The following MYOM1 variants were observed in gnomAD, a reference collection of about 807,000 sequenced individuals.
The protein encoded by MYOM1 is myomesin 1, also known as myomesin-1.
A neutral mutation model predicts 205.3 loss-of-function variants in MYOM1; 164 were observed. The observed-to-expected ratio is 0.80, with a 90% CI of 0.70 to 0.91. MYOM1 has a LOEUF of 0.91. Among genes scored for constraint, MYOM1 ranks in the 40% least tolerant of loss-of-function variants. The pLI is 0.00. For synonymous variants in MYOM1, 772 were observed against 789.4 expected, an observed-to-expected ratio of 0.98 and a Z score of 0.37; for missense variants, 2,011 against 2,127.3, an observed-to-expected ratio of 0.95 and a Z score of 1.08.
Position 3,131,370 on chromosome 18 carries a change from C to A in MYOM1, c.2506+5G>T, listed in dbSNP as rs779100116. ...CCCCCATACAGTTATGCATAAGGAACTTACCAATAGCAGCTTTGACTTCAA... is the reference window on the plus strand; with the variant it reads ...CCCCCATACAGTTATGCATAAGGAAATTACCAATAGCAGCTTTGACTTCAA... On this transcript the variant is annotated splice_donor_5th_base_variant and intron_variant, in intron 17 of 37. Transcript: ENST00000356443. 6.2e-7 allele frequency: 1 copy of A among 1,613,782 alleles called. No homozygotes were observed. Among genetic ancestry groups the A allele is most frequent in the Admixed American group, 1.7e-5 (1 of 60,010 alleles).
At chr18:3,070,597 C>T (rs570139831) in intron 37 of MYOM1, among the ~76,000 whole-genome samples, 2 of 152,296 alleles carry the variant, frequency 1.3e-5, no homozygotes, top group South Asian at 4.1e-4. Context: ...TCGGAAAATG[C>T]ACAGTACTTG....
intron 13 of MYOM1, among the ~76,000 whole-genome samples, chr18:3,147,434 C>T (rs1013686740): frequency 6.6e-6 from 1 of 151,894 alleles, no homozygotes; most frequent in African/African-American, 2.4e-5. Context: ...CAATGCTGTT[C>T]GGCTGAAATC....
In MYOM1 at chr18:3,189,744, T is replaced by A. The variant is rs2080879855; in HGVS notation, c.432-657A>T. Among the ~76,000 whole-genome samples, 1 of 152,232 alleles carries A rather than the reference T, an allele frequency of 6.6e-6. No homozygotes were observed. The highest frequency in any genetic ancestry group is 2.1e-4 in the South Asian group (1 of 4,828). ...ACTTGGCCAAGGTCGTCTCACTGGT[T>A]GTCTTAGTGTGTTTAAACATGATTT... On this transcript the variant is annotated intron_variant, in intron 3 of 37. Transcript: ENST00000356443. The surrounding 1 kb of genome is among the most constrained non-coding windows in gnomAD (Gnocchi z 4.8).
chr18:3,116,829 C>G (rs1037956645), intron 20 of MYOM1, among the ~76,000 whole-genome samples: 1 of 151,982 alleles, frequency 6.6e-6, no homozygotes, highest in Non-Finnish European at 1.5e-5. Context: ...TTTATTGGAA[C>G]AGTCTGATTT....
intron 14 of MYOM1, among the ~76,000 whole-genome samples, chr18:3,141,194 T>A (rs1177808751): frequency 6.6e-6 from 1 of 152,216 alleles, no homozygotes; most frequent in African/African-American, 2.4e-5. Flanking sequence ...GCCGAAATAA[T>A]GTTCTGTACA....
At chr18:3,244,774 C>T in the MYOM1 span, among the ~76,000 whole-genome samples, 15 of 151,990 alleles carry the variant, frequency 9.9e-5, no homozygotes, top group Admixed American at 9.8e-4. Context: ...TGGCACATGC[C>T]TGTAATCCCA....
chr18:3,159,611 C>T (rs532266477), intron 10 of MYOM1, among the ~76,000 whole-genome samples: 2 of 151,900 alleles, frequency 1.3e-5, no homozygotes, highest in South Asian at 2.1e-4. Context: ...AGCGGGTGAA[C>T]GTATAGGCAA....
At position 3,091,830 on chromosome 18, in the gene MYOM1, C is replaced by T. The variant is rs145260316; in HGVS notation, c.3865-1028G>A. 2.3e-3 allele frequency among the ~76,000 whole-genome samples: 343 copies of T among 151,192 alleles called. 1 individual carries two copies. The highest frequency in any genetic ancestry group is 7.2e-3 in the African/African-American group (295 of 41,188). Reference sequence around the variant, plus strand: ...AATTGCAACCTCGGCCTCCCAGGTTCAAGTGATTCTGCTGCCTCAGCCTCC... The same window carrying T: ...AATTGCAACCTCGGCCTCCCAGGTTTAAGTGATTCTGCTGCCTCAGCCTCC... On this transcript the variant is annotated intron_variant, in intron 26 of 37. Transcript: ENST00000356443.
chr18:3,089,303 A>C, intron 28 of MYOM1, 62 bp from the exon 29 acceptor site: 1 of 1,328,942 alleles, frequency 7.5e-7, no homozygotes, highest in Non-Finnish European at 1.1e-6. Flanking sequence ...ATCAAAGCTC[A>C]CACTTAAGTC....
intron 16 of MYOM1, among the ~76,000 whole-genome samples, chr18:3,132,558 C>T (rs868571867): frequency 7.9e-5 from 12 of 152,162 alleles, no homozygotes; most frequent in Middle Eastern, 3.4e-3. Flanking sequence ...TATTTCATCA[C>T]CCAGGTATTA....
intron 9 of MYOM1, among the ~76,000 whole-genome samples, chr18:3,165,388 T>C (rs1348450481): frequency 6.6e-6 from 1 of 152,218 alleles, no homozygotes; most frequent in Non-Finnish European, 1.5e-5. Context: ...AGGATGCCTG[T>C]TTATGTATTC....
At chr18:3,231,528 T>C in the MYOM1 span, among the ~76,000 whole-genome samples, 3 of 149,312 alleles carry the variant, frequency 2.0e-5, no homozygotes, top group Non-Finnish European at 3.0e-5. Context: ...CCCTAAAATA[T>C]GCATCCTTTT....
chr18:3,118,601 T>C (rs1339176296), intron 20 of MYOM1, among the ~76,000 whole-genome samples: 1 of 152,126 alleles, frequency 6.6e-6, no homozygotes, highest in Admixed American at 6.5e-5. Context: ...CCCAAAGCAC[T>C]GGGATTACAG....
In MYOM1 at chr18:3,151,725, A is replaced by G; in HGVS notation, c.1812T>C (p.Ala604=). 2 of 1,613,826 alleles carry G rather than the reference A, an allele frequency of 1.2e-6. No individual in the cohort carries two copies. Among genetic ancestry groups the G allele is most frequent in the South Asian group, 1.1e-5 (1 of 91,072 alleles). ...FPSRVSEPVA[A]LDPAEKARLK... ...GTCTAGCTTTCTCAGCCGGATCCAG[A>G]GCAGCCACGGGCTCGGAAACTCGAG... The change falls in exon 12 of 38, where the codon GCT becomes GCC. Residue 604 remains alanine (A), a synonymous_variant. Coordinates refer to ENST00000356443, the MANE Select transcript of MYOM1 (RefSeq NM_003803.4).
intron 2 of MYOM1, among the ~76,000 whole-genome samples, chr18:3,206,147 G>T (rs1242125122): frequency 6.6e-6 from 1 of 152,216 alleles, no homozygotes; most frequent in Non-Finnish European, 1.5e-5. Flanking sequence ...GACATTCAAA[G>T]ATGGGTAGGA....
At chr18:3,106,281 A>C (rs950166867) in intron 22 of MYOM1, among the ~76,000 whole-genome samples, 1 of 152,226 alleles carries the variant, frequency 6.6e-6, no homozygotes, top group Non-Finnish European at 1.5e-5. Context: ...TCTGAAAAAT[A>C]AACTTTGTAA....
upstream of MYOM1, among the ~76,000 whole-genome samples, chr18:3,223,444 T>C (rs1362999117): frequency 6.6e-6 from 1 of 152,244 alleles, no homozygotes; most frequent in Admixed American, 6.5e-5. Context: ...CCTACTTCAG[T>C]GTTGACTAAT....
At chr18:3,129,175 G>A (rs2079837614) in intron 18 of MYOM1, 57 bp downstream of exon 18, 1 of 1,546,772 alleles carries the variant, frequency 6.5e-7, no homozygotes, top group Admixed American at 2.0e-5. Context: ...TGTAGACGAT[G>A]AGAGGTGAGG....
Position 3,089,238 on chromosome 18 carries a change from G to C in MYOM1, c.4073C>G (p.Pro1358Arg). 6.2e-7 allele frequency: 1 copy of C among 1,609,978 alleles called. No homozygotes were observed. Among genetic ancestry groups the C allele is most frequent in the Non-Finnish European group, 8.5e-7 (1 of 1,177,302 alleles). The change falls in exon 29 of 38, where the codon CCT (proline) becomes CGT (arginine). Residue 1358 changes from proline (P) to arginine (R), a missense_variant. By Grantham distance (103) the Pro-to-Arg change is moderately radical. Transcript: ENST00000356443. The part of the protein sequence containing the change: ...QRQEWIRKQG[P>R]HFVEYLSWEV... ...CCAGCTCAAATACTCAACAAAGTGA[G>C]GACCTATAAAATTTTAATGACATTA...
Sources: allele counts gnomAD v4.1 joint callset (sites outside exome capture counted in the v4.1 genomes callset), GRCh38; gene constraint gnomAD v4.1.1; non-coding constraint Gnocchi (gnomAD v3.1); transcripts MANE v1.5; gene names NCBI Gene and HGNC (gene_info 2026-07-23, HGNC 2026-07-21).